The following HIP1 variants were observed in gnomAD, a reference collection of about 807,000 sequenced individuals.
The protein encoded by HIP1 is huntingtin-interacting protein 1.
In HIP1, 65 loss-of-function variants were observed where a neutral mutation model predicts 147.6. The observed-to-expected ratio is 0.44, with a 90% CI of 0.36 to 0.54. HIP1 has a LOEUF of 0.54. Ranked by LOEUF, HIP1 falls within the 20% of genes least tolerant of loss-of-function variation. HIP1 has a pLI of 0.00. For missense variants in HIP1, 1,061 were observed against 1,299.6 expected (o/e 0.82, Z 2.82); for synonymous variants, 479 against 504.0 (o/e 0.95, Z 0.67).
intron 1 of HIP1, among the ~76,000 whole-genome samples, chr7:75,694,175 C>T (rs1554518514): frequency 6.6e-6 from 1 of 152,118 alleles, no homozygotes; most frequent in Admixed American, 6.6e-5. Flanking sequence ...ACCTCGGCCT[C>T]CCAAAGTGCT....
intron 1 of HIP1, among the ~76,000 whole-genome samples, chr7:75,666,890 C>T (rs1459847708): frequency 1.3e-5 from 2 of 152,238 alleles, no homozygotes; most frequent in East Asian, 1.9e-4. Flanking sequence ...CGTTATGCGA[C>T]GCTCCATTTC....
At chr7:75,588,178 T>G (rs1796352060) in intron 4 of HIP1, among the ~76,000 whole-genome samples, 1 of 152,198 alleles carries the variant, frequency 6.6e-6, no homozygotes, top group East Asian at 1.9e-4. Context: ...GAGAATTTAA[T>G]TTCGAGTGAT....
intron 1 of HIP1, among the ~76,000 whole-genome samples, chr7:75,669,596 T>C (rs1799676190): frequency 6.6e-6 from 1 of 151,430 alleles, no homozygotes; most frequent in African/African-American, 2.4e-5. Context: ...AGAAACACCA[T>C]ACCTGTTAGT....
chr7:75,594,315 C>T (rs1325903339), intron 2 of HIP1, among the ~76,000 whole-genome samples: 7 of 151,674 alleles, frequency 4.6e-5, no homozygotes, highest in African/African-American at 1.7e-4. Context: ...TTTCCATAAA[C>T]CTGAACACCC....
intron 5 of HIP1, among the ~76,000 whole-genome samples, chr7:75,583,581 C>T (rs1477980307): frequency 6.6e-6 from 1 of 151,866 alleles, no homozygotes; most frequent in Non-Finnish European, 1.5e-5. Context: ...CCAGCTCTCT[C>T]TTGTTTCTCT....
chr7:75,685,524 A>G (rs1800230409), intron 1 of HIP1, among the ~76,000 whole-genome samples: 1 of 152,042 alleles, frequency 6.6e-6, no homozygotes, highest in Non-Finnish European at 1.5e-5. Flanking sequence ...CTAGTTCTTC[A>G]TATATTCTGA....
chr7:75,731,586 AG>A (rs1801840329), intron 1 of HIP1, among the ~76,000 whole-genome samples: 1 of 151,940 alleles, frequency 6.6e-6, no homozygotes, highest in South Asian at 2.1e-4. Flanking sequence ...ACTTCAGGCA[AG>A]GGGTGACTTC....
rs1797716235 is a variant in HIP1, at chr7:75,617,691, A to G, written c.121-18444T>C. On this transcript the variant is annotated intron_variant, in intron 1 of 30. Transcript: ENST00000336926. ...AGACTCGGACACCAGGCCTTGGGGA[A>G]AAGGAGAAGCGGGCCCATATGCCCT... Among the ~76,000 whole-genome samples the G allele has an allele frequency of 2.6e-5, 4 of 152,318 alleles. No homozygotes were observed. In the South Asian group the frequency reaches 8.3e-4, roughly 32 times the overall value.
intron 1 of HIP1, among the ~76,000 whole-genome samples, chr7:75,677,780 T>C (rs1799946074): frequency 6.6e-6 from 1 of 151,870 alleles, no homozygotes; most frequent in African/African-American, 2.4e-5. Context: ...TCTTGAACAA[T>C]TTTTCTCCTG....
intron 1 of HIP1, among the ~76,000 whole-genome samples, chr7:75,736,907 G>A (rs1201890794): frequency 6.7e-6 from 1 of 150,296 alleles, no homozygotes; most frequent in Non-Finnish European, 1.5e-5. Flanking sequence ...ACACACCTGC[G>A]CGCGGTTTTC....
At chr7:75,695,512 G>A (rs1300322284) in intron 1 of HIP1, among the ~76,000 whole-genome samples, 1 of 152,164 alleles carries the variant, frequency 6.6e-6, no homozygotes, top group Non-Finnish European at 1.5e-5. Context: ...ACCCAATGCA[G>A]TTGTAGGATA....
intron 4 of HIP1, among the ~76,000 whole-genome samples, chr7:75,587,912 T>G (rs376718009): frequency 3.9e-5 from 6 of 152,264 alleles, no homozygotes; most frequent in East Asian, 3.9e-4. Flanking sequence ...TGCAGTGAGC[T>G]GTGATCATGT....
Position 75,694,826 on chromosome 7 carries a change from C to T in HIP1, c.120+43975G>A, listed in dbSNP as rs1489369831. 2.6e-5 allele frequency among the ~76,000 whole-genome samples: 4 copies of T among 151,908 alleles called. 1 individual carries two copies. Among genetic ancestry groups the T allele is most frequent in the East Asian group, 1.9e-4 (1 of 5,178 alleles). ...TGCCCGGCCTGGATTGCTTCTCTAT[C>T]GCTCTTATCTATTCTCTGCACTTTC... On this transcript the variant is annotated intron_variant, in intron 1 of 30. Coordinates refer to ENST00000336926, the MANE Select transcript of HIP1 (RefSeq NM_005338.7).
At chr7:75,709,695 C>T (rs1457550000) in intron 1 of HIP1, among the ~76,000 whole-genome samples, 7 of 152,170 alleles carry the variant, frequency 4.6e-5, no homozygotes, top group South Asian at 4.2e-4. Flanking sequence ...CTAATTGCTC[C>T]GTTTAGGACT....
At position 75,554,149 on chromosome 7, in the gene HIP1, TGGCACCATGA is replaced by T; in HGVS notation, c.2112_2121del (p.His705ProfsTer14). ...TCAGGTGGGGCTCTGAGGCAGGTGG[TGGCACCATGA>T]GCAATGGCGTCGCTGGTCAAGTGGG... On this transcript the variant is annotated frameshift_variant, in exon 21 of 31. Coordinates refer to ENST00000336926, the MANE Select transcript of HIP1 (RefSeq NM_005338.7). LOFTEE classifies it high-confidence loss of function. 1 of 1,613,980 alleles carries T rather than the reference TGGCACCATGA, an allele frequency of 6.2e-7. No homozygotes were observed.
At position 75,602,303 on chromosome 7, in the gene HIP1, C is replaced by CTTTTTT. The variant is rs67019261; in HGVS notation, c.121-3062_121-3057dup. On this transcript the variant is annotated intron_variant, in intron 1 of 30. Coordinates refer to ENST00000336926, the MANE Select transcript of HIP1 (RefSeq NM_005338.7). ...GGCGTGAGCCACAGCACCTGGCCAG[C>CTTTTTT]TTTTTTTTTTTTTTTTTTTTTTTTT... is the stretch of plus-strand genomic sequence containing the variant. Among the ~76,000 whole-genome samples, 4 of 77,276 alleles carry CTTTTTT rather than the reference C, an allele frequency of 5.2e-5. 1 individual carries two copies. The highest frequency in any genetic ancestry group is 1.7e-4 in the African/African-American group (3 of 18,114). The allele number at this position is 77,276 out of a possible 152,430, so 50.7% of individuals were successfully genotyped here.
chr7:75,706,473 C>CTTTTTTTT (rs139655610), intron 1 of HIP1, among the ~76,000 whole-genome samples: 2 of 138,094 alleles, frequency 1.4e-5, no homozygotes, highest in African/African-American at 5.5e-5. Flanking sequence ...TATATATCTT[C>CTTTTTTTT]TTTTTTTTTA....
intron 1 of HIP1, among the ~76,000 whole-genome samples, chr7:75,633,846 C>T (rs587735056): frequency 5.3e-5 from 8 of 152,210 alleles, no homozygotes; most frequent in African/African-American, 9.6e-5. Context: ...TTACTCAGAA[C>T]ATCTGAAATA....
chr7:75,679,921 A>G (rs1186059829), intron 1 of HIP1, among the ~76,000 whole-genome samples: 1 of 152,124 alleles, frequency 6.6e-6, no homozygotes, highest in Non-Finnish European at 1.5e-5. Flanking sequence ...AGATCTGACA[A>G]CAGCATCCTT....
Sources: allele counts gnomAD v4.1 joint callset (sites outside exome capture counted in the v4.1 genomes callset), GRCh38; gene constraint gnomAD v4.1.1; transcripts MANE v1.5; gene names NCBI Gene and HGNC (gene_info 2026-07-23, HGNC 2026-07-21).